ZBTB8A: variants seen among roughly 807,000 people sequenced by gnomAD.
ZBTB8A encodes zinc finger and BTB domain containing 8A.
ZBTB8A carries 19 observed loss-of-function variants against 37.8 expected under a neutral mutation model. The observed-to-expected ratio is 0.50, with a 90% CI of 0.35 to 0.74. The LOEUF (loss-of-function observed/expected upper bound fraction) is 0.74. ZBTB8A is among the 30% of genes least tolerant of loss of function. The pLI is 0.01. For missense variants in ZBTB8A, 394 were observed against 537.8 expected, an observed-to-expected ratio of 0.73 and a Z score of 2.65; for synonymous variants, 181 against 185.2, an observed-to-expected ratio of 0.98 and a Z score of 0.19.
intron 2 of ZBTB8A, among the ~76,000 whole-genome samples, chr1:32,564,091 C>T (rs909435684): frequency 2.6e-5 from 4 of 152,122 alleles, no homozygotes; most frequent in Non-Finnish European, 5.9e-5. Flanking sequence ...GTCCTGAGGA[C>T]ATTGCAGTAT....
rs1644594603 is a variant in ZBTB8A at position 32,603,588 on chromosome 1, T to G, written c.*3169T>G. The G allele has an allele frequency of 6.5e-6, 1 of 152,684 alleles. No individual in the cohort carries two copies. The highest frequency in any genetic ancestry group is 1.5e-5 in the Non-Finnish European group (1 of 68,038). 9.5% of individuals were successfully genotyped at this position (152,684 alleles called of 1,614,324 possible). On this transcript the variant is annotated 3_prime_UTR_variant, in exon 5 of 5. Transcript: ENST00000373510. ...AAATGGCTGATTTGAACTTTTTTCC[T>G]ATAAATGAAGTAGTGCTTGCATGTG...
intron 2 of ZBTB8A, among the ~76,000 whole-genome samples, chr1:32,580,639 A>G (rs1302492615): frequency 6.6e-6 from 1 of 152,136 alleles, no homozygotes; most frequent in Non-Finnish European, 1.5e-5. Context: ...ACAAATTGAT[A>G]TAGTGTTTTC....
At chr1:32,568,150 A>G (rs2148230208) in intron 2 of ZBTB8A, among the ~76,000 whole-genome samples, 1 of 152,230 alleles carries the variant, frequency 6.6e-6, no homozygotes, top group Non-Finnish European at 1.5e-5. Flanking sequence ...CTCTGTCTAG[A>G]GAAAAAATTA....
chr1:32,588,056 C>A (rs1644461951), intron 2 of ZBTB8A, among the ~76,000 whole-genome samples: 1 of 152,106 alleles, frequency 6.6e-6, no homozygotes, highest in African/African-American at 2.4e-5. Flanking sequence ...GCGCTTCCCA[C>A]GTGCCTTGCC....
At chr1:32,585,726 C>G (rs12037251) in intron 2 of ZBTB8A, among the ~76,000 whole-genome samples, 18,158 of 152,078 alleles carry the variant, frequency 0.12, 1,179 homozygotes, top group African/African-American at 0.18. Flanking sequence ...TTGAAGCCAG[C>G]CCTGGTGGCT....
At chr1:32,564,922 C>A (rs1644267871) in intron 2 of ZBTB8A, among the ~76,000 whole-genome samples, 1 of 152,314 alleles carries the variant, frequency 6.6e-6, no homozygotes, top group South Asian at 2.1e-4. Context: ...CAATGACATT[C>A]CACCTCTGCT....
rs550845415 is a variant in ZBTB8A at position 32,603,099 on chromosome 1, T to G, written c.*2680T>G. 149 of 152,248 alleles carry G rather than the reference T, an allele frequency of 9.8e-4. No individual in the cohort carries two copies. Among genetic ancestry groups the G allele is most frequent in the African/African-American group, 3.3e-3 (139 of 41,554 alleles). The allele number at this position is 152,248 out of a possible 1,614,324, so 9.4% of individuals were successfully genotyped here. On this transcript the variant is annotated 3_prime_UTR_variant, in exon 5 of 5. Transcript: ENST00000373510. ...CAAGACTGGATGATGTGCATTGAGTTCTCTGTTCTCCCAACATGGCTGTTC... is the reference window on the plus strand; with the variant it reads ...CAAGACTGGATGATGTGCATTGAGTGCTCTGTTCTCCCAACATGGCTGTTC...
At chr1:32,567,811 A>AC (rs1245271860) in intron 2 of ZBTB8A, among the ~76,000 whole-genome samples, 7 of 44,190 alleles carry the variant, frequency 1.6e-4, no homozygotes, top group East Asian at 6.1e-4. Flanking sequence ...AAAAAAAAAA[A>AC]AAAAAAAAAA....
At chr1:32,579,935 C>T (rs953355608) in intron 2 of ZBTB8A, among the ~76,000 whole-genome samples, 5 of 152,166 alleles carry the variant, frequency 3.3e-5, no homozygotes, top group African/African-American at 1.2e-4. Context: ...GTAATAATAA[C>T]TTATTATTTC....
chr1:32,597,235 TC>T (rs1644540784), intron 4 of ZBTB8A, among the ~76,000 whole-genome samples: 1 of 152,134 alleles, frequency 6.6e-6, no homozygotes, highest in South Asian at 2.1e-4. Context: ...CCTCAAGTGA[TC>T]CATCCACCTC....
At chr1:32,562,533 A>C (rs1449565979) in intron 2 of ZBTB8A, among the ~76,000 whole-genome samples, 4 of 148,200 alleles carry the variant, frequency 2.7e-5, no homozygotes, top group Admixed American at 2.0e-4. Context: ...GGCCTCCTAA[A>C]GTGCTGGGAT....
intron 2 of ZBTB8A, among the ~76,000 whole-genome samples, chr1:32,562,123 T>G (rs1446565540): frequency 6.9e-6 from 1 of 145,918 alleles, no homozygotes; most frequent in African/African-American, 2.5e-5. Context: ...TTTTGTTTGT[T>G]TTTTTTTTTT....
chr1:32,600,024 TA>T, intron 4 of ZBTB8A, 62 bp from the exon 5 acceptor site: 1 of 1,379,228 alleles, frequency 7.3e-7, no homozygotes, highest in Non-Finnish European at 1.0e-6. Context: ...AACTGGTACC[TA>T]AAATATCAAA....
chr1:32,574,571 T>G (rs1644346295), intron 2 of ZBTB8A, among the ~76,000 whole-genome samples: 2 of 152,106 alleles, frequency 1.3e-5, no homozygotes, highest in Admixed American at 1.3e-4. Context: ...CACTCCAGAC[T>G]GAAAGACAGA....
intron 1 of ZBTB8A, among the ~76,000 whole-genome samples, chr1:32,546,967 T>A (rs1285012191): frequency 2.7e-5 from 4 of 149,144 alleles, no homozygotes; most frequent in African/African-American, 9.9e-5. Context: ...AGTGGCACAA[T>A]CACAGCTCAC....
intron 2 of ZBTB8A, among the ~76,000 whole-genome samples, chr1:32,588,031 G>T (rs1644461742): frequency 6.6e-6 from 1 of 152,132 alleles, no homozygotes; most frequent in Non-Finnish European, 1.5e-5. Flanking sequence ...CTTGGGGAGG[G>T]CGTGGAAGCT....
chr1:32,580,977 A>C (rs1644398686), intron 2 of ZBTB8A, among the ~76,000 whole-genome samples: 1 of 149,724 alleles, frequency 6.7e-6, no homozygotes, highest in South Asian at 2.1e-4. Context: ...TGAGGTGTCC[A>C]CACGACCTAA....
chr1:32,546,443 CAAAA>C (rs564314196), intron 1 of ZBTB8A, among the ~76,000 whole-genome samples: 22 of 134,584 alleles, frequency 1.6e-4, no homozygotes, highest in African/African-American at 5.0e-4. Flanking sequence ...GACTCTGTCT[CAAAA>C]AAAAAAATAA....
chr1:32,541,248 C>A (rs1433881937), intron 1 of ZBTB8A, among the ~76,000 whole-genome samples: 1 of 152,180 alleles, frequency 6.6e-6, no homozygotes, highest in Non-Finnish European at 1.5e-5. Context: ...CCATAATAGT[C>A]TATGCAGCCT....
Sources: gnomAD v4.1 joint callset for allele counts (sites outside exome capture counted in the v4.1 genomes callset) on GRCh38, gnomAD v4.1.1 for gene constraint, MANE v1.5 for transcripts, NCBI Gene and HGNC (gene_info 2026-07-23, HGNC 2026-07-21) for gene names.